APBB3: variants seen among roughly 807,000 people sequenced by gnomAD.
APBB3 encodes the protein amyloid beta precursor protein binding family B member 3, also known as amyloid-beta A4 precursor protein-binding family B member 3.
In APBB3, 50 loss-of-function variants were observed where a neutral mutation model predicts 61.5. The ratio of observed to expected loss-of-function variants is 0.81; its 90% confidence interval spans 0.65 to 1.03. The LOEUF is 1.03. Among genes scored for constraint, APBB3 ranks in the 50% least tolerant of loss-of-function variants. The pLI is 0.00. For synonymous variants in APBB3, 235 were observed against 233.0 expected (o/e 1.01, Z -0.08); for missense variants, 550 against 637.4 (o/e 0.86, Z 1.48).
rs250431 is a variant in APBB3 at position 140,560,648 on chromosome 5, G to A, written c.1023C>T (p.His341=). The A allele has an allele frequency of 0.68, 1,103,058 of 1,613,130 alleles. 382,989 individuals carry two copies. The highest frequency in any genetic ancestry group is 0.81 in the East Asian group (36,333 of 44,852). Residue 341 remains histidine (H), a synonymous_variant, in exon 11 of 13, where the codon CAC becomes CAT. Transcript: ENST00000357560. This position sits in a 1 kb window ranked among gnomAD's most constrained non-coding sequence, Gnocchi z 5.1. ...CACCCTCTTCTGGTACCTGAATGGG[G>A]TGTGCAGTCATGAGAGAGTCAGACA... ...LSVSDSLMTA[H]PIQAEASTEE...
chr5:140,564,591 G>T lies in APBB3; in HGVS notation c.-346C>A. 1 of 472,486 alleles carries T rather than the reference G, an allele frequency of 2.1e-6. No individual in the cohort carries two copies. Among genetic ancestry groups the T allele is most frequent in the Admixed American group, 3.8e-5 (1 of 26,398 alleles). The allele number at this position is 472,486 out of a possible 1,614,324, so 29.3% of individuals were successfully genotyped here. A position where few individuals can be genotyped will look rare whatever the true frequency, so the allele number is the denominator to read the frequency against. On this transcript the variant is annotated 5_prime_UTR_variant, in exon 1 of 13. Transcript: ENST00000357560. This position sits in a 1 kb window ranked among gnomAD's most constrained non-coding sequence, Gnocchi z 5.0. ...TCAGGCGCCTGAAGACCGACACGCC[G>T]AACATGCGCCGCGCGCACTCGCGCA...
At position 140,558,333 on chromosome 5, in the gene APBB3, C is replaced by T. The variant is rs1391697511; in HGVS notation, c.*252G>A. On this transcript the variant is annotated 3_prime_UTR_variant, in exon 13 of 13. Coordinates refer to ENST00000357560, the MANE Select transcript of APBB3 (RefSeq NM_133173.3). ...TAAAGTGTTACTGAGGTAGAGCCAA[C>T]TGTCCAGGGTTGGACAGGGGCAAGG... is the stretch of plus-strand genomic sequence containing the variant. 6.9e-6 allele frequency: 4 copies of T among 582,372 alleles called. No individual in the cohort carries two copies. The highest frequency in any genetic ancestry group is 6.0e-5 in the East Asian group (2 of 33,128). The allele number at this position is 582,372 out of a possible 1,614,324, so 36.1% of individuals were successfully genotyped here.
chr5:140,563,536 T>A, intron 3 of APBB3, 58 bp downstream of exon 3: 1 of 1,599,498 alleles, frequency 6.3e-7, no homozygotes, highest in Non-Finnish European at 8.6e-7. Context: ...TGGGTCCAGC[T>A]GCATTTTTGA....
chr5:140,562,219 G>A lies in APBB3; in HGVS notation c.507C>T (p.Asn169=), dbSNP rs768114183. Residue 169 remains asparagine (N), a synonymous_variant, in exon 6 of 13, where the codon AAC becomes AAT. Transcript: ENST00000357560. ...CATCCTTCTTCAGGATCATCAGCAT[G>A]TTCTGGCCCTGCCAAGGACAGAGGT... ...PPDGAWGEGQ[N]MLMILKKDAM... 12 of 1,614,142 alleles carry A rather than the reference G, an allele frequency of 7.4e-6. 1 individual carries two copies. The Middle Eastern group carries it at 9.9e-4, about 133-fold the overall frequency.
At position 140,560,625 on chromosome 5, in the gene APBB3, C is replaced by T; in HGVS notation, c.1032+14G>A. The T allele has an allele frequency of 3.1e-6, 5 of 1,613,638 alleles. No individual in the cohort carries two copies. Among genetic ancestry groups the T allele is most frequent in the African/African-American group, 1.3e-5 (1 of 75,052 alleles). On this transcript the variant is annotated intron_variant, in intron 11 of 12. Transcript: ENST00000357560. This position sits in a 1 kb window ranked among gnomAD's most constrained non-coding sequence, Gnocchi z 5.1. ...CACCCCTCCAAAGCCCCCAACTTCACCCTCTTCTGGTACCTGAATGGGGTG... is the reference window on the plus strand; with the variant it reads ...CACCCCTCCAAAGCCCCCAACTTCATCCTCTTCTGGTACCTGAATGGGGTG...
In APBB3 at chr5:140,560,254, T is replaced by A; in HGVS notation, c.1224+59A>T. ...AGAGGCTGCCGACCCGGAGCCCAAG[T>A]AAACAGTGGAGAGCAGCTGCAGGGC... On this transcript the variant is annotated intron_variant, in intron 12 of 12. Coordinates refer to ENST00000357560, the MANE Select transcript of APBB3 (RefSeq NM_133173.3). This position sits in a 1 kb window ranked among gnomAD's most constrained non-coding sequence, Gnocchi z 5.1. The A allele has an allele frequency of 6.4e-7, 1 of 1,553,016 alleles. No individual in the cohort carries two copies. The highest frequency in any genetic ancestry group is 8.8e-7 in the Non-Finnish European group (1 of 1,139,956).
At chr5:140,559,071 T>C (rs1379952464) in intron 12 of APBB3, among the ~76,000 whole-genome samples, 2 of 152,194 alleles carry the variant, frequency 1.3e-5, no homozygotes, top group African/African-American at 4.8e-5. Context: ...GAGGGGTTAT[T>C]ATCCCTGTTT....
Position 140,563,591 on chromosome 5 carries a change from T to C in APBB3, c.290+3A>G. 6.2e-7 allele frequency: 1 copy of C among 1,614,218 alleles called. No homozygotes were observed. Among genetic ancestry groups the C allele is most frequent in the Non-Finnish European group, 8.5e-7 (1 of 1,180,038 alleles). On this transcript the variant is annotated splice_donor_region_variant and intron_variant, in intron 3 of 12. Transcript: ENST00000357560. ...CTTTCATTTTGCCTGGGCCACCCGT[T>C]ACCTCCGGTCCAGTGAACTCTCCAG...
rs377510549 is a variant in APBB3, at chr5:140,561,831, G to A, written c.632+13C>T. The A allele has an allele frequency of 6.2e-7, 1 of 1,613,790 alleles. No individual in the cohort carries two copies. The highest frequency in any genetic ancestry group is 2.2e-5 in the East Asian group (1 of 44,878). On this transcript the variant is annotated intron_variant, in intron 7 of 12. Transcript: ENST00000357560. Reference sequence around the variant, plus strand: ...ATCAGGGATGGGGCTCAGGATACCTGGTTTTCACTCACCTGTCACTGTTCC... The same window carrying A: ...ATCAGGGATGGGGCTCAGGATACCTAGTTTTCACTCACCTGTCACTGTTCC...
chr5:140,561,899 G>C (rs370110983), intron 6 of APBB3, 50 bp from the exon 7 acceptor site: 1 of 1,613,096 alleles, frequency 6.2e-7, no homozygotes, highest in African/African-American at 1.3e-5. Flanking sequence ...CCAGCCTCTC[G>C]GACTCTCCCC....
rs1754929697 is a variant in APBB3, at chr5:140,561,040, T to C, written c.894A>G (p.Thr298=). 1 of 1,613,644 alleles carries C rather than the reference T, an allele frequency of 6.2e-7. No individual in the cohort carries two copies. Among genetic ancestry groups the C allele is most frequent in the Non-Finnish European group, 8.5e-7 (1 of 1,180,030 alleles). ...AQKYEALYMG[T]LPVTKAMGMD... is the part of the protein sequence containing the mutation. ...CACCCATGGCCTTGGTGACTGGCAGTGTCCCCATATACAGTGCCTCGTACT... is the reference window on the plus strand; with the variant it reads ...CACCCATGGCCTTGGTGACTGGCAGCGTCCCCATATACAGTGCCTCGTACT... The change falls in exon 10 of 13, where the codon ACA becomes ACG. Residue 298 remains threonine, a synonymous_variant. Transcript: ENST00000357560.
At position 140,558,579 on chromosome 5, in the gene APBB3, A is replaced by AT. The variant is rs555472778; in HGVS notation, c.*5dup. 939 of 1,613,778 alleles carry AT rather than the reference A, an allele frequency of 5.8e-4. 1 individual carries two copies. Among genetic ancestry groups the AT allele is most frequent in the Non-Finnish European group, 7.4e-4 (874 of 1,179,756 alleles). ...GAGCCTACTTCCCCAGCCTTCCCAG[A>AT]TAAGTTTAGGGCATATGGAGCAGAG... On this transcript the variant is annotated 3_prime_UTR_variant, in exon 13 of 13. Transcript: ENST00000357560.
intron 1 of APBB3, 73 bp from the exon 2 acceptor site, chr5:140,563,988 C>T (rs1050574797): frequency 1.2e-4 from 187 of 1,556,284 alleles, no homozygotes; most frequent in Non-Finnish European, 1.6e-4. Flanking sequence ...GTCATAATCC[C>T]CTCTCCATCC....
At position 140,563,906 on chromosome 5, in the gene APBB3, C is replaced by G. The variant is rs761240609; in HGVS notation, c.59G>C (p.Trp20Ser). 1.4e-5 allele frequency: 22 copies of G among 1,613,458 alleles called. No individual in the cohort carries two copies. Among genetic ancestry groups the G allele is most frequent in the African/African-American group, 4.0e-5 (3 of 74,916 alleles). The change falls in exon 2 of 13, where the codon TGG (tryptophan) becomes TCG (serine). Residue 20 changes from tryptophan to serine, a missense_variant. Coordinates refer to ENST00000357560, the MANE Select transcript of APBB3 (RefSeq NM_133173.3). ...IILVNCDDDL[W>S]GDHSLEVEAG... ...CTCCACCTCCAGACTGTGGTCCCCC[C>G]ACAAGTCATCTACAGGAACACCGGA... is the stretch of plus-strand genomic sequence containing the variant.
rs184083845 is a variant in APBB3 at position 140,562,399 on chromosome 5, G to A, written c.452C>T (p.Ala151Val). Residue 151 changes from alanine to valine, a missense_variant, in exon 5 of 13, where the codon GCC becomes GTC. Transcript: ENST00000357560. ...IAVNNCIQQL[A>V]QTRSRSQPPD... is the part of the protein sequence containing the mutation. Reference sequence around the variant, plus strand: ...AGGCTGGCTCCGGCTGCGGGTCTGGGCCAGCTGCTGGATACAGTTATTGAC... The same window carrying A: ...AGGCTGGCTCCGGCTGCGGGTCTGGACCAGCTGCTGGATACAGTTATTGAC... 6.2e-6 allele frequency: 10 copies of A among 1,614,190 alleles called. No individual in the cohort carries two copies. In the Admixed American group the frequency reaches 1.3e-4, roughly 22 times the overall value.
intron 12 of APBB3, 73 bp from the exon 13 acceptor site, chr5:140,558,894 G>A: frequency 7.3e-7 from 1 of 1,373,664 alleles, no homozygotes; most frequent in Non-Finnish European, 1.0e-6. Context: ...TGCAGGACAG[G>A]GAACTGGCCA....
chr5:140,562,569 TC>T (rs1369981367), intron 4 of APBB3, 70 bp from the exon 5 acceptor site: 1 of 1,609,006 alleles, frequency 6.2e-7, no homozygotes, highest in African/African-American at 1.3e-5. Flanking sequence ...CAATACATAC[TC>T]CCTGTCTTCA....
At position 140,558,302 on chromosome 5, in the gene APBB3, T is replaced by G; in HGVS notation, c.*283A>C. The stretch of plus-strand genomic sequence containing the variant: ...TGAGGGATTTTTATTTGCACTGATT[T>G]TGCTATAAAGTGTTACTGAGGTAGA... On this transcript the variant is annotated 3_prime_UTR_variant, in exon 13 of 13. Coordinates refer to ENST00000357560, the MANE Select transcript of APBB3 (RefSeq NM_133173.3). The G allele has an allele frequency of 2.1e-6, 1 of 481,188 alleles. No individual in the cohort carries two copies. The highest frequency in any genetic ancestry group is 3.7e-6 in the Non-Finnish European group (1 of 269,586). The allele number at this position is 481,188 out of a possible 1,614,324, so 29.8% of individuals were successfully genotyped here.
chr5:140,560,787 T>C lies in APBB3; in HGVS notation c.917-33A>G. 6.3e-7 allele frequency: 1 copy of C among 1,592,942 alleles called. No individual in the cohort carries two copies. The highest frequency in any genetic ancestry group is 8.6e-7 in the Non-Finnish European group (1 of 1,161,406). Reference sequence around the variant, plus strand: ...AACATACCCAGCGTGTCTCCCAGTGTAAAAGAAAGAGTCTGCAGGGAGTGT... The same window carrying C: ...AACATACCCAGCGTGTCTCCCAGTGCAAAAGAAAGAGTCTGCAGGGAGTGT... On this transcript the variant is annotated intron_variant, in intron 10 of 12. Coordinates refer to ENST00000357560, the MANE Select transcript of APBB3 (RefSeq NM_133173.3). This position sits in a 1 kb window ranked among gnomAD's most constrained non-coding sequence, Gnocchi z 5.1.
Sources: gnomAD v4.1 joint callset for allele counts (sites outside exome capture counted in the v4.1 genomes callset) on GRCh38, gnomAD v4.1.1 for gene constraint, Gnocchi (gnomAD v3.1) non-coding constraint, MANE v1.5 for transcripts, NCBI Gene and HGNC (gene_info 2026-07-23, HGNC 2026-07-21) for gene names.